Variants in NINJ1 observed in about 807,000 individuals in gnomAD.
The protein encoded by NINJ1 is ninjurin 1.
Under a neutral mutation model 12.7 loss-of-function variants are expected in NINJ1, and 6 were observed. The observed-to-expected ratio is 0.47, with a 90% CI of 0.26 to 0.93. NINJ1 has a LOEUF of 0.93. NINJ1 is among the 40% of genes least tolerant of loss of function. NINJ1 has a pLI of 0.15. For synonymous variants in NINJ1, 100 were observed against 96.0 expected, an observed-to-expected ratio of 1.04 and a Z score of -0.25; for missense variants, 170 against 213.0, an observed-to-expected ratio of 0.80 and a Z score of 1.26.
At position 93,124,977 on chromosome 9, in the gene NINJ1, C is replaced by T; in HGVS notation, c.390G>A (p.Val130=). The T allele has an allele frequency of 1.2e-6, 2 of 1,614,118 alleles. No individual in the cohort carries two copies. The highest frequency in any genetic ancestry group is 4.5e-5 in the East Asian group (2 of 44,882). Residue 130 remains valine, a synonymous_variant, in exon 3 of 4, where the codon GTG becomes GTA. Transcript: ENST00000375446. ...NLATGLVFII[V]VVNIFITAFG... ...AGGCCGTGATGAAGATGTTGACTAC[C>T]ACGATGATGAACACCAGGCCCGTGG...
At chr9:93,132,257 C>T (rs542837406) in intron 1 of NINJ1, among the ~76,000 whole-genome samples, 2 of 152,302 alleles carry the variant, frequency 1.3e-5, no homozygotes, top group East Asian at 1.9e-4. Context: ...GAGCGGCCCT[C>T]GAAGTTTTCT....
chr9:93,132,846 C>A (rs367993599), intron 1 of NINJ1, among the ~76,000 whole-genome samples: 1 of 152,218 alleles, frequency 6.6e-6, no homozygotes, highest in Non-Finnish European at 1.5e-5. Flanking sequence ...GGGCATTGCC[C>A]GGGCAAGGTC....
At chr9:93,128,889 T>C (rs917998479) in intron 1 of NINJ1, among the ~76,000 whole-genome samples, 1 of 152,192 alleles carries the variant, frequency 6.6e-6, no homozygotes, top group Non-Finnish European at 1.5e-5. Flanking sequence ...CAAATACACA[T>C]GCACATACAT....
At chr9:93,123,270 C>T (rs1462440490) in intron 3 of NINJ1, among the ~76,000 whole-genome samples, 1 of 152,058 alleles carries the variant, frequency 6.6e-6, no homozygotes, top group Non-Finnish European at 1.5e-5. Flanking sequence ...CTCATCCTCA[C>T]TATGCCCTCT....
chr9:93,124,769 T>C, intron 3 of NINJ1, 130 bp downstream of exon 3: 1 of 962,740 alleles, frequency 1.0e-6, no homozygotes, highest in Non-Finnish European at 1.5e-6. Flanking sequence ...GCCTTGTAGG[T>C]GTGGACGAGG....
Position 93,125,037 on chromosome 9 carries a change from G to A in NINJ1, c.330C>T (p.Ala110=). 1 of 1,613,824 alleles carries A rather than the reference G, an allele frequency of 6.2e-7. No homozygotes were observed. Among genetic ancestry groups the A allele is most frequent in the Non-Finnish European group, 8.5e-7 (1 of 1,179,830 alleles). The part of the protein sequence containing the change: ...FLVKYDLNNP[A]KHAKLDFLNN... ...TGAGGAAGTCCAGCTTGGCGTGCTT[G>A]GCCGGGTTGTTAAGGTCGTACTTGA... Residue 110 remains alanine, a synonymous_variant, in exon 3 of 4, where the codon GCC becomes GCT. Coordinates refer to ENST00000375446, the MANE Select transcript of NINJ1 (RefSeq NM_004148.4).
In NINJ1 at chr9:93,123,299, T is replaced by C. The variant is rs569589593; in HGVS notation, c.*10-1069A>G. On this transcript the variant is annotated intron_variant, in intron 3 of 3. Transcript: ENST00000375446. ...GCCCTCTTGGGGAATTTTTTTTTTTTCCCGAGATGGAGTCTCATACTGTTG... is the reference window on the plus strand; with the variant it reads ...GCCCTCTTGGGGAATTTTTTTTTTTCCCCGAGATGGAGTCTCATACTGTTG... Among the ~76,000 whole-genome samples the C allele has an allele frequency of 5.0e-3, 761 of 152,026 alleles. 2 individuals carry two copies. Among genetic ancestry groups the C allele is most frequent in the Non-Finnish European group, 6.0e-3 (409 of 67,922 alleles).
At chr9:93,132,225 G>C (rs1412354534) in intron 1 of NINJ1, among the ~76,000 whole-genome samples, 3 of 152,198 alleles carry the variant, frequency 2.0e-5, no homozygotes, top group East Asian at 1.9e-4. Context: ...GGGTGGTCCT[G>C]GGCCCCCAGG....
rs762750806 is a variant in NINJ1, at chr9:93,126,434, C to T, written c.280G>A (p.Val94Met). The T allele has an allele frequency of 1.4e-5, 22 of 1,613,710 alleles. No individual in the cohort carries two copies. The highest frequency in any genetic ancestry group is 4.0e-5 in the African/African-American group (3 of 74,908). Residue 94 changes from valine (V) to methionine (M), a missense_variant, in exon 2 of 4, where the codon GTG (valine) becomes ATG (methionine). Physicochemically the swap from Val to Met is conservative, Grantham distance 21 (BLOSUM62 1). Coordinates refer to ENST00000375446, the MANE Select transcript of NINJ1 (RefSeq NM_004148.4). ...CCAAGGAAGATGAGCAGCACCCCCA[C>T]GCCGATCTGCAGCACAAGGGAGATG... ...ISISLVLQIG[V>M]GVLLIFLVKY...
chr9:93,129,356 T>C (rs1827858442), intron 1 of NINJ1, among the ~76,000 whole-genome samples: 1 of 152,210 alleles, frequency 6.6e-6, no homozygotes, highest in Non-Finnish European at 1.5e-5. Flanking sequence ...TGTGCCTCAG[T>C]CTTCCATGTG....
At chr9:93,128,586 G>T (rs1222850690) in intron 1 of NINJ1, among the ~76,000 whole-genome samples, 2 of 152,238 alleles carry the variant, frequency 1.3e-5, no homozygotes, top group Admixed American at 1.3e-4. Context: ...CGTGTGCTCC[G>T]CAAGGTGCAG....
At position 93,125,085 on chromosome 9, in the gene NINJ1, T is replaced by C. The variant is rs138029576; in HGVS notation, c.305-23A>G. ...TGACTGTGGGCGAGAGAGGAGTGGA[T>C]GGTGCCAAGGGCAGCCCAGACGCAG... is the stretch of plus-strand genomic sequence containing the variant. On this transcript the variant is annotated intron_variant, in intron 2 of 3. Coordinates refer to ENST00000375446, the MANE Select transcript of NINJ1 (RefSeq NM_004148.4). The C allele has an allele frequency of 1.5e-3, 2,361 of 1,601,690 alleles. 6 individuals are homozygous for C. Among genetic ancestry groups the C allele is most frequent in the Middle Eastern group, 3.0e-3 (18 of 5,988 alleles).
chr9:93,124,410 G>C (rs1244195033), intron 3 of NINJ1, among the ~76,000 whole-genome samples: 1 of 152,100 alleles, frequency 6.6e-6, no homozygotes, highest in African/African-American at 2.4e-5. Flanking sequence ...GAGTAGCTGG[G>C]ACTACAGGGA....
intron 1 of NINJ1, among the ~76,000 whole-genome samples, chr9:93,133,177 C>A (rs1272177786): frequency 2.0e-5 from 3 of 152,188 alleles, no homozygotes; most frequent in Non-Finnish European, 4.4e-5. Context: ...AGCCCCAGGG[C>A]CATCCTATCC....
At chr9:93,134,041 C>A in intron 1 of NINJ1, 102 bp downstream of exon 1, 1 of 885,190 alleles carries the variant, frequency 1.1e-6, no homozygotes, top group Non-Finnish European at 1.6e-6. Context: ...TCCCCCAACA[C>A]TCTGCAGTGC....
chr9:93,125,145 C>T (rs927623952), intron 2 of NINJ1, 83 bp from the exon 3 acceptor site: 2 of 1,408,162 alleles, frequency 1.4e-6, no homozygotes, highest in African/African-American at 1.4e-5. Flanking sequence ...GGGACCCACC[C>T]CAGCGGTCAA....
intron 2 of NINJ1, 150 bp downstream of exon 2, chr9:93,126,260 C>T: frequency 1.6e-6 from 1 of 630,838 alleles, no homozygotes; most frequent in East Asian, 2.9e-5. Flanking sequence ...GGTGCCACTT[C>T]CTGGACTGCA....
At position 93,125,080 on chromosome 9, in the gene NINJ1, G is replaced by C. The variant is rs745905449; in HGVS notation, c.305-18C>G. ...GTACTTGACTGTGGGCGAGAGAGGA[G>C]TGGATGGTGCCAAGGGCAGCCCAGA... On this transcript the variant is annotated intron_variant, in intron 2 of 3. Coordinates refer to ENST00000375446, the MANE Select transcript of NINJ1 (RefSeq NM_004148.4). 2 of 1,603,746 alleles carry C rather than the reference G, an allele frequency of 1.2e-6. No individual in the cohort carries two copies. Among genetic ancestry groups the C allele is most frequent in the Non-Finnish European group, 1.7e-6 (2 of 1,174,102 alleles).
intron 1 of NINJ1, chr9:93,131,387 G>A (rs377162470): frequency 6.6e-6 from 1 of 152,276 alleles, no homozygotes; most frequent in African/African-American, 2.4e-5. Context: ...CTCAGGATCT[G>A]CCAGGAAAGC....
Sources: allele counts gnomAD v4.1 joint callset (sites outside exome capture counted in the v4.1 genomes callset), GRCh38; gene constraint gnomAD v4.1.1; transcripts MANE v1.5; gene names NCBI Gene and HGNC (gene_info 2026-07-23, HGNC 2026-07-21).